Variants in GNAS observed in about 807,000 individuals in gnomAD.
GNAS encodes protein ALEX.
In GNAS, 8 loss-of-function variants were observed where a neutral mutation model predicts 54.5. The ratio of observed to expected loss-of-function variants is 0.15; its 90% CI spans 0.09 to 0.26. GNAS has a LOEUF of 0.26. GNAS is among the 10% of genes least tolerant of loss of function. GNAS has a pLI of 1.00. For synonymous variants in GNAS, 204 were observed against 191.4 expected (o/e 1.07, Z -0.54); for missense variants, 170 against 529.8 (o/e 0.32, Z 6.67).
At chr20:58,860,255 C>T (rs1376856661) in intron 1 of GNAS, among the ~76,000 whole-genome samples, 1 of 150,012 alleles carries the variant, frequency 6.7e-6, no homozygotes, top group Non-Finnish European at 1.5e-5. Flanking sequence ...CATCTGCCAG[C>T]ACTGCAACGT....
intron 1 of GNAS, among the ~76,000 whole-genome samples, chr20:58,876,321 C>T (rs931923022): frequency 6.6e-6 from 1 of 152,062 alleles, no homozygotes; most frequent in Non-Finnish European, 1.5e-5. Context: ...TTATGAGTCC[C>T]TCCCATAATG....
rs1270921816 is a variant in GNAS, at chr20:58,853,836, G to A, written c.43+12950G>A. The stretch of plus-strand genomic sequence containing the variant: ...AGACCTTGCTCCAGGAGGCCCAGGT[G>A]CTGCAGGGGTCCCCGGAGCTCCTCC... On this transcript the variant is annotated intron_variant, in intron 1 of 12. Coordinates refer to the GNAS transcript ENST00000306090. This position sits in a 1 kb window ranked among gnomAD's most constrained non-coding sequence, Gnocchi z 4.4. 1 of 1,598,058 alleles carries A rather than the reference G, an allele frequency of 6.3e-7. No individual in the cohort carries two copies. The highest frequency in any genetic ancestry group is 8.5e-7 in the Non-Finnish European group (1 of 1,172,794).
chr20:58,909,312 G>A lies in GNAS; in HGVS notation c.586-38G>A, dbSNP rs2146268213. Reference sequence around the variant, plus strand: ...ATTGGCAATTATTACTGTTTCGGTTGGCTTTGGTGAGATCCATTGACCTCA... The same window carrying A: ...ATTGGCAATTATTACTGTTTCGGTTAGCTTTGGTGAGATCCATTGACCTCA... On this transcript the variant is annotated intron_variant, in intron 7 of 12. Transcript: ENST00000371085. The surrounding 1 kb of genome is among the most constrained non-coding windows in gnomAD (Gnocchi z 7.3). The A allele has an allele frequency of 6.3e-7, 1 of 1,592,060 alleles. No homozygotes were observed. Among genetic ancestry groups the A allele is most frequent in the Admixed American group, 1.7e-5 (1 of 60,000 alleles).
At chr20:58,907,110 C>T (rs1002542001) in intron 6 of GNAS, among the ~76,000 whole-genome samples, 3 of 152,138 alleles carry the variant, frequency 2.0e-5, no homozygotes, top group African/African-American at 7.2e-5. Context: ...GTGAAAACCA[C>T]CTGAATAAAC....
rs2086045743 is a variant in GNAS at position 58,848,900 on chromosome 20, G to T, written c.43+8014G>T. 1.8e-5 allele frequency: 7 copies of T among 398,562 alleles called. No homozygotes were observed. The East Asian group carries it at 2.5e-4, about 14-fold the overall frequency. 24.7% of individuals were successfully genotyped at this position (398,562 alleles called of 1,614,324 possible). On this transcript the variant is annotated intron_variant, in intron 1 of 12. Coordinates refer to the GNAS transcript ENST00000306090. ...TCACCTAAAGGACTTAGGTTTTTCAGAGTCTGGTAGCCAGTCACTACAGAG... is the reference window on the plus strand; with the variant it reads ...TCACCTAAAGGACTTAGGTTTTTCATAGTCTGGTAGCCAGTCACTACAGAG...
intron 1 of GNAS, 185 bp from the exon 2 acceptor site, chr20:58,895,427 A>G (rs2089953436): frequency 3.2e-6 from 2 of 632,184 alleles, no homozygotes; most frequent in Non-Finnish European, 5.8e-6. Context: ...GCAGGTAGAC[A>G]CTGAATTGGA....
At position 58,895,729 on chromosome 20, in the gene GNAS, G is replaced by C. The variant is rs370543828; in HGVS notation, c.212+45G>C. The stretch of plus-strand genomic sequence containing the variant: ...AGGGGGGCACCAAGTAAGAGGAACA[G>C]ACTTTATACTAACCTTTAGGAAGTA... On this transcript the variant is annotated intron_variant, in intron 2 of 12. Coordinates refer to ENST00000371085, the MANE Select transcript of GNAS (RefSeq NM_000516.7). 81 of 1,075,666 alleles carry C rather than the reference G, an allele frequency of 7.5e-5. No homozygotes were observed. In the African/African-American group the frequency reaches 8.2e-4, roughly 11 times the overall value. 66.6% of individuals were successfully genotyped at this position (1,075,666 alleles called of 1,614,324 possible). A position where few individuals can be genotyped will look rare whatever the true frequency, so the allele number is the denominator to read the frequency against.
At chr20:58,848,772 C>T in intron 1 of GNAS, 1 of 397,160 alleles carries the variant, frequency 2.5e-6, no homozygotes. Context: ...TCCTCAGGTC[C>T]CTGTGGCCTT....
chr20:58,841,345 A>C lies in GNAS; in HGVS notation c.43+459A>C, dbSNP rs2085716683. On this transcript the variant is annotated intron_variant, in intron 1 of 12. Transcript: ENST00000306090. The surrounding 1 kb of genome is among the most constrained non-coding windows in gnomAD (Gnocchi z 5.0). ...GCGCCAACTTTCACGATGTGAGAGC[A>C]GCCGCGCTGTAGAGACACCGTTGAA... 1 of 1,058,136 alleles carries C rather than the reference A, an allele frequency of 9.5e-7. No homozygotes were observed. The highest frequency in any genetic ancestry group is 1.1e-6 in the Non-Finnish European group (1 of 874,936). The allele number at this position is 1,058,136 out of a possible 1,614,324, so 65.5% of individuals were successfully genotyped here. A position where few individuals can be genotyped will look rare whatever the true frequency, so the allele number is the denominator to read the frequency against.
At chr20:58,900,865 T>C (rs532973450) in intron 3 of GNAS, among the ~76,000 whole-genome samples, 9 of 152,326 alleles carry the variant, frequency 5.9e-5, no homozygotes, top group South Asian at 4.1e-4. Flanking sequence ...CGAATTAGAT[T>C]TTAGATTTCT....
intron 5 of GNAS, among the ~76,000 whole-genome samples, chr20:58,905,070 C>T (rs2090948992): frequency 6.6e-6 from 1 of 152,148 alleles, no homozygotes; most frequent in Non-Finnish European, 1.5e-5. Context: ...AGTGTATATT[C>T]TTCCTAAACA....
chr20:58,871,091 C>T (rs1484913427), intron 1 of GNAS, among the ~76,000 whole-genome samples: 1 of 152,210 alleles, frequency 6.6e-6, no homozygotes, highest in African/African-American at 2.4e-5. Flanking sequence ...CGCCATCGTC[C>T]TTCCACAGTT....
chr20:58,891,982 G>A, intron 1 of GNAS, 117 bp downstream of exon 1: 2 of 761,740 alleles, frequency 2.6e-6, no homozygotes, highest in Non-Finnish European at 3.2e-6. Flanking sequence ...CCCCCCGCCC[G>A]TTCGCGGGCT....
In GNAS at chr20:58,903,681, G is replaced by T. The variant is rs2146182333; in HGVS notation, c.322G>T (p.Ala108Ser). Residue 108 changes from alanine to serine, a missense_variant, in exon 5 of 13, where the codon GCC becomes TCC. Around this residue, in one of 3 missense-constraint regions of GNAS, gnomAD observed 78 missense variants for 251.1 expected, o/e 0.31. Coordinates refer to ENST00000371085, the MANE Select transcript of GNAS (RefSeq NM_000516.7). ...NLKEAIETIV[A>S]AMSNLVPPVE... ...GCTAAATCATTTTCAGACCATTGTG[G>T]CCGCCATGAGCAACCTGGTGCCCCC... 1 of 1,614,058 alleles carries T rather than the reference G, an allele frequency of 6.2e-7. No homozygotes were observed.
In GNAS at chr20:58,853,859, T is replaced by C; in HGVS notation, c.43+12973T>C. 6.3e-7 allele frequency: 1 copy of C among 1,594,326 alleles called. No individual in the cohort carries two copies. Among genetic ancestry groups the C allele is most frequent in the Non-Finnish European group, 8.5e-7 (1 of 1,171,134 alleles). ...GTGCTGCAGGGGTCCCCGGAGCTCCTCCCGAGGAGCCCCAAGCCCTCAGGC... is the reference window on the plus strand; with the variant it reads ...GTGCTGCAGGGGTCCCCGGAGCTCCCCCCGAGGAGCCCCAAGCCCTCAGGC... On this transcript the variant is annotated intron_variant, in intron 1 of 12. Coordinates refer to the GNAS transcript ENST00000306090. The surrounding 1 kb of genome is among the most constrained non-coding windows in gnomAD (Gnocchi z 4.4).
chr20:58,850,739 C>T (rs2086126873), intron 1 of GNAS: 1 of 398,760 alleles, frequency 2.5e-6, no homozygotes, highest in Non-Finnish European at 4.4e-6. Context: ...CCCTGGGACC[C>T]CACCTCTCCC....
Position 58,854,033 on chromosome 20 carries a change from G to C in GNAS, c.43+13147G>C, listed in dbSNP as rs762642543. The C allele has an allele frequency of 4.3e-5, 70 of 1,610,954 alleles. No homozygotes were observed. The South Asian group carries it at 6.7e-4, about 15-fold the overall frequency. On this transcript the variant is annotated intron_variant, in intron 1 of 12. Transcript: ENST00000306090. ...AAGTCGACGGCAGCAGCCAGTTCGCGGCAGTCGCGGCCTCGAGTGCGGTCC... is the reference window on the plus strand; with the variant it reads ...AAGTCGACGGCAGCAGCCAGTTCGCCGCAGTCGCGGCCTCGAGTGCGGTCC...
At chr20:58,878,291 G>A (rs1434569355) in intron 1 of GNAS, among the ~76,000 whole-genome samples, 2 of 152,248 alleles carry the variant, frequency 1.3e-5, no homozygotes, top group African/African-American at 4.8e-5. Context: ...CTGCTATGCA[G>A]CAACTTTTCT....
intron 1 of GNAS, chr20:58,854,984 CG>C: frequency 3.1e-6 from 5 of 1,612,370 alleles, no homozygotes; most frequent in Non-Finnish European, 4.2e-6. Context: ...CCAGCAGCGA[CG>C]ATGACTCCAG....
Sources: gnomAD v4.1 joint callset for allele counts (sites outside exome capture counted in the v4.1 genomes callset) on GRCh38, gnomAD v4.1.1 for gene constraint, gnomAD v4.1.1 regional missense constraint, Gnocchi (gnomAD v3.1) non-coding constraint, MANE v1.5 for transcripts, NCBI Gene and HGNC (gene_info 2026-07-23, HGNC 2026-07-21) for gene names.